Variants in MAGI2 observed in about 807,000 individuals in gnomAD.
MAGI2 encodes the protein membrane-associated guanylate kinase, WW and PDZ domain-containing protein 2.
MAGI2 carries 35 observed loss-of-function variants against 133.3 expected under a neutral mutation model. The ratio of observed to expected loss-of-function variants is 0.26; its 90% CI spans 0.20 to 0.35. The LOEUF (loss-of-function observed/expected upper bound fraction) is 0.35. MAGI2 is among the 10% of genes least tolerant of loss of function. The pLI is 1.00. For synonymous variants in MAGI2, 729 were observed against 710.6 expected (o/e 1.03, Z -0.41); for missense variants, 1,636 against 1,863.4 (o/e 0.88, Z 2.25).
chr7:78,166,892 A>C (rs1302873424), intron 15 of MAGI2, among the ~76,000 whole-genome samples: 1 of 152,070 alleles, frequency 6.6e-6, no homozygotes, highest in Non-Finnish European at 1.5e-5. Flanking sequence ...CCTTAGAGAG[A>C]AGAGTCCCTC....
chr7:79,214,187 T>A (rs1829754653), intron 1 of MAGI2, among the ~76,000 whole-genome samples: 1 of 151,526 alleles, frequency 6.6e-6, no homozygotes, highest in Admixed American at 6.6e-5. Context: ...GGTAGTAGAT[T>A]ACCCCAAACT....
At chr7:78,243,267 ACACTCTCTCT>A (rs1205968331) in intron 10 of MAGI2, among the ~76,000 whole-genome samples, 1,426 of 68,264 alleles carry the variant, frequency 0.021, 16 homozygotes, top group African/African-American at 0.086. Context: ...ACACACACAC[ACACTCTCTCT>A]CTCTCTCTCT....
intron 1 of MAGI2, among the ~76,000 whole-genome samples, chr7:79,433,706 C>T (rs1847943578): frequency 6.6e-6 from 1 of 151,892 alleles, no homozygotes; most frequent in African/African-American, 2.4e-5. Context: ...AATTGTTGCC[C>T]CTAAGTAAAT....
intron 7 of MAGI2, among the ~76,000 whole-genome samples, chr7:78,351,161 C>T (rs1791469841): frequency 1.3e-5 from 2 of 152,004 alleles, no homozygotes; most frequent in African/African-American, 4.8e-5. Context: ...GGAGCAAGGC[C>T]AGCAGGAAAG....
At chr7:78,294,077 TA>T (rs34000848) in intron 9 of MAGI2, among the ~76,000 whole-genome samples, 17 of 151,900 alleles carry the variant, frequency 1.1e-4, no homozygotes, top group African/African-American at 3.4e-4. Flanking sequence ...TAAAGTATAA[TA>T]AAAAAATATA....
intron 9 of MAGI2, among the ~76,000 whole-genome samples, chr7:78,329,972 T>C (rs902093732): frequency 6.6e-6 from 1 of 151,864 alleles, no homozygotes; most frequent in Non-Finnish European, 1.5e-5. Context: ...GCAAGAGGTG[T>C]CTTTAAATGT....
At chr7:79,130,900 A>AATTCATTC (rs10555338) in intron 1 of MAGI2, among the ~76,000 whole-genome samples, 49 of 150,706 alleles carry the variant, frequency 3.3e-4, no homozygotes, top group East Asian at 2.4e-3. Context: ...GAAAGTCACC[A>AATTCATTC]ATTCATTCAT....
At chr7:78,726,729 T>C (rs1374799608) in intron 2 of MAGI2, among the ~76,000 whole-genome samples, 2 of 152,210 alleles carry the variant, frequency 1.3e-5, no homozygotes, top group African/African-American at 2.4e-5. Flanking sequence ...TAGTTCAGCT[T>C]AAATATTAAT....
chr7:78,211,627 T>C (rs1787776156), intron 10 of MAGI2, among the ~76,000 whole-genome samples: 1 of 152,226 alleles, frequency 6.6e-6, no homozygotes, highest in Non-Finnish European at 1.5e-5. Context: ...CAAACTATTT[T>C]AATAGTAATG....
chr7:78,063,967 C>CTGA (rs1813547273), intron 21 of MAGI2, among the ~76,000 whole-genome samples: 1 of 152,122 alleles, frequency 6.6e-6, no homozygotes, highest in African/African-American at 2.4e-5. Context: ...TGAACTGAAA[C>CTGA]CACAAAGAGC....
At chr7:78,647,690 T>G (rs1386202711) in intron 2 of MAGI2, among the ~76,000 whole-genome samples, 1 of 152,152 alleles carries the variant, frequency 6.6e-6, no homozygotes, top group Non-Finnish European at 1.5e-5. Flanking sequence ...CAAACACACA[T>G]GCACACATAT....
At chr7:78,829,173 T>G (rs1225518413) in intron 2 of MAGI2, among the ~76,000 whole-genome samples, 2 of 152,152 alleles carry the variant, frequency 1.3e-5, no homozygotes, top group East Asian at 3.9e-4. Context: ...TATACATTCA[T>G]ATTATCAAAA....
intron 1 of MAGI2, among the ~76,000 whole-genome samples, chr7:79,337,500 G>C (rs1219377087): frequency 6.6e-6 from 1 of 152,186 alleles, no homozygotes; most frequent in Admixed American, 6.6e-5. Context: ...AGTCAGCAGT[G>C]CAGAAAGAGA....
chr7:79,326,898 C>G (rs1234811454), intron 1 of MAGI2, among the ~76,000 whole-genome samples: 1 of 152,108 alleles, frequency 6.6e-6, no homozygotes, highest in Non-Finnish European at 1.5e-5. Context: ...ATTCACAGAG[C>G]TCACTGGATT....
At chr7:78,954,413 G>GA (rs1417833157) in intron 2 of MAGI2, among the ~76,000 whole-genome samples, 1 of 152,010 alleles carries the variant, frequency 6.6e-6, no homozygotes, top group East Asian at 1.9e-4. Flanking sequence ...AGAATCACTG[G>GA]AAAAATAGCC....
chr7:78,999,919 T>C, intron 2 of MAGI2, among the ~76,000 whole-genome samples: 1 of 152,176 alleles, frequency 6.6e-6, no homozygotes, highest in Non-Finnish European at 1.5e-5. Context: ...AACAAAAATC[T>C]GGCAGCTTCA....
intron 1 of MAGI2, among the ~76,000 whole-genome samples, chr7:79,402,437 G>T (rs948791118): frequency 6.6e-6 from 1 of 152,070 alleles, no homozygotes; most frequent in Non-Finnish European, 1.5e-5. Context: ...TAGCTTACAT[G>T]ATATCTGATT....
At chr7:78,633,606 T>A (rs898188983) in intron 2 of MAGI2, among the ~76,000 whole-genome samples, 1 of 149,446 alleles carries the variant, frequency 6.7e-6, no homozygotes, top group African/African-American at 2.5e-5. Context: ...CTCCGGAGGC[T>A]GAGGCAGGAG....
intron 2 of MAGI2, among the ~76,000 whole-genome samples, chr7:78,845,311 G>C (rs1792496956): frequency 6.6e-6 from 1 of 151,778 alleles, no homozygotes; most frequent in Non-Finnish European, 1.5e-5. Flanking sequence ...TGGTTACTCT[G>C]GGTCAGAATA....
Sources: allele counts gnomAD v4.1 joint callset (sites outside exome capture counted in the v4.1 genomes callset), GRCh38; gene constraint gnomAD v4.1.1; transcripts MANE v1.5; gene names NCBI Gene and HGNC (gene_info 2026-07-23, HGNC 2026-07-21).